The following GADL1 variants were observed in gnomAD, a reference collection of about 807,000 sequenced individuals.
GADL1 encodes the protein acidic amino acid decarboxylase GADL1.
Under a neutral mutation model 69.5 loss-of-function variants are expected in GADL1, and 71 were observed. The ratio of observed to expected loss-of-function variants is 1.02; its 90% CI spans 0.84 to 1.25. The LOEUF is 1.25. GADL1 is among the 50% of genes most tolerant of loss of function. GADL1 has a pLI of 0.00. For synonymous variants in GADL1, 254 were observed against 214.4 expected, an observed-to-expected ratio of 1.18 and a Z score of -1.62; for missense variants, 737 against 631.8, an observed-to-expected ratio of 1.17 and a Z score of -1.79.
intron 9 of GADL1, among the ~76,000 whole-genome samples, chr3:30,836,293 G>C (rs1328116803): frequency 6.6e-6 from 1 of 151,610 alleles, no homozygotes; most frequent in Non-Finnish European, 1.5e-5. Flanking sequence ...CTAGTGAACT[G>C]GATTTAAGTT....
chr3:30,804,324 AG>A (rs1381126666), intron 11 of GADL1, among the ~76,000 whole-genome samples: 1 of 104,388 alleles, frequency 9.6e-6, no homozygotes, highest in Non-Finnish European at 1.7e-5. Flanking sequence ...GTGAGCATGG[AG>A]AGGAGGCTCT....
intron 12 of GADL1, among the ~76,000 whole-genome samples, chr3:30,791,116 C>G (rs1179134477): frequency 6.6e-6 from 1 of 151,866 alleles, no homozygotes; most frequent in Non-Finnish European, 1.5e-5. Context: ...TTTTCCATTC[C>G]CTTTTTATAT....
At chr3:30,770,441 G>A (rs544647804) in intron 14 of GADL1, among the ~76,000 whole-genome samples, 7 of 152,300 alleles carry the variant, frequency 4.6e-5, no homozygotes, top group Admixed American at 1.3e-4. Context: ...GTGGCACTCC[G>A]TACAGAGAAT....
Position 30,839,124 on chromosome 3 carries a change from G to A in GADL1, c.787-11C>T, listed in dbSNP as rs751886715. Reference sequence around the variant, plus strand: ...AAACGGTGCTGCCCCCTGTAAGAAGGATCCACACACACAAAATTATCACTG... The same window carrying A: ...AAACGGTGCTGCCCCCTGTAAGAAGAATCCACACACACAAAATTATCACTG... On this transcript the variant is annotated splice_polypyrimidine_tract_variant and intron_variant, in intron 8 of 14. Coordinates refer to ENST00000282538, the MANE Select transcript of GADL1 (RefSeq NM_207359.3). 1 of 1,480,598 alleles carries A rather than the reference G, an allele frequency of 6.8e-7. No individual in the cohort carries two copies. The highest frequency in any genetic ancestry group is 9.1e-7 in the Non-Finnish European group (1 of 1,103,044). 91.7% of individuals were successfully genotyped at this position (1,480,598 alleles called of 1,614,324 possible). A position where few individuals can be genotyped will look rare whatever the true frequency, so the allele number is the denominator to read the frequency against.
chr3:30,861,604 C>CA lies in GADL1; in HGVS notation c.198dup (p.Val67CysfsTer3). ...GTTTTAATTTTTACCTTCTCATTGACATCTGTAGCTTTCAAAACCACCTCT... is the reference window on the plus strand; with the variant it reads ...GTTTTAATTTTTACCTTCTCATTGACAATCTGTAGCTTTCAAAACCACCTCT... On this transcript the variant is annotated frameshift_variant, in exon 2 of 15. Transcript: ENST00000282538. LOFTEE classifies it high-confidence loss of function. The CA allele has an allele frequency of 6.5e-7, 1 of 1,546,958 alleles. No homozygotes were observed.
chr3:30,867,267 G>T (rs563880512), intron 1 of GADL1, among the ~76,000 whole-genome samples: 1 of 151,774 alleles, frequency 6.6e-6, no homozygotes, highest in South Asian at 2.1e-4. Flanking sequence ...TATGCAGTGG[G>T]TATGGAAATG....
intron 1 of GADL1, among the ~76,000 whole-genome samples, chr3:30,891,118 C>T (rs1458415774): frequency 6.6e-6 from 1 of 151,964 alleles, no homozygotes; most frequent in Non-Finnish European, 1.5e-5. Flanking sequence ...AGGGTACTGC[C>T]TTATAAAATG....
chr3:30,726,321 G>T lies in GADL1; in HGVS notation c.*1921C>A, dbSNP rs2125466043. The T allele has an allele frequency of 6.6e-6, 1 of 152,036 alleles. No homozygotes were observed. The highest frequency in any genetic ancestry group is 2.1e-4 in the South Asian group (1 of 4,822). 9.4% of individuals were successfully genotyped at this position (152,036 alleles called of 1,614,324 possible). The stretch of plus-strand genomic sequence containing the variant: ...GTCCAGTTCACTTCTAAAATGTATT[G>T]GTACAATCCAGTAAAGAGGAGATGA... On this transcript the variant is annotated 3_prime_UTR_variant, in exon 15 of 15. Transcript: ENST00000282538.
At chr3:30,868,617 C>G (rs962421333) in intron 1 of GADL1, among the ~76,000 whole-genome samples, 1 of 151,812 alleles carries the variant, frequency 6.6e-6, no homozygotes, top group African/African-American at 2.4e-5. Context: ...GTGCCAGGGA[C>G]AGTGTAAAGA....
chr3:30,866,830 G>A (rs933301823), intron 1 of GADL1, among the ~76,000 whole-genome samples: 2 of 152,028 alleles, frequency 1.3e-5, no homozygotes, highest in African/African-American at 4.8e-5. Flanking sequence ...ACAGAAAAAA[G>A]CCATGTCTCA....
intron 11 of GADL1, among the ~76,000 whole-genome samples, chr3:30,832,121 A>C (rs1196119967): frequency 6.6e-6 from 1 of 151,954 alleles, no homozygotes; most frequent in Non-Finnish European, 1.5e-5. Flanking sequence ...GAAAACTGCC[A>C]ACACAAAACT....
intron 11 of GADL1, among the ~76,000 whole-genome samples, chr3:30,816,265 T>C (rs1697468075): frequency 6.6e-6 from 1 of 152,094 alleles, no homozygotes; most frequent in Non-Finnish European, 1.5e-5. Flanking sequence ...GGCTTGAGCC[T>C]CAACTGTTTC....
intron 1 of GADL1, among the ~76,000 whole-genome samples, chr3:30,862,948 A>G (rs1385864991): frequency 1.3e-5 from 2 of 151,698 alleles, no homozygotes; most frequent in Non-Finnish European, 2.9e-5. Flanking sequence ...TGTAAATGTA[A>G]CCTATTTTAC....
chr3:30,894,578 C>A lies in GADL1; in HGVS notation c.37G>T (p.Gly13Ter), dbSNP rs567212234. The A allele has an allele frequency of 7.0e-5, 108 of 1,549,844 alleles. No individual in the cohort carries two copies. The South Asian group carries it at 1.2e-3, about 17-fold the overall frequency. Residue 13 changes from glycine (G) to a stop codon, truncating the protein, a stop_gained and splice_region_variant, in exon 1 of 15, where the codon GGA becomes TGA. Transcript: ENST00000282538. LOFTEE classifies it high-confidence loss of function. ...AACCGCAGCCGCGCTGAGTCGTTAC[C>A]GTCCACAGGACACTGGCGGTCCGAG... ...SDSDRQCPVDGDIDQQEMIPS... is the reference protein window; with the variant it reads ...SDSDRQCPVD
At chr3:30,889,084 T>TATAAAAAAAAAA (rs1698748582) in intron 1 of GADL1, among the ~76,000 whole-genome samples, 2 of 32,920 alleles carry the variant, frequency 6.1e-5, no homozygotes, top group Non-Finnish European at 1.3e-4. Context: ...CGGTAATCTA[T>TATAAAAAAAAAA]AAAAAAAAAA....
chr3:30,732,418 T>G (rs763109936), intron 14 of GADL1, among the ~76,000 whole-genome samples: 9 of 152,168 alleles, frequency 5.9e-5, no homozygotes, highest in Admixed American at 1.3e-4. Flanking sequence ...GATTCTGACA[T>G]TTCTATTTGG....
intron 8 of GADL1, among the ~76,000 whole-genome samples, chr3:30,839,659 C>A (rs1697935481): frequency 6.6e-6 from 1 of 152,062 alleles, no homozygotes; most frequent in South Asian, 2.1e-4. Flanking sequence ...GGAGATAAGG[C>A]AACCTCACTG....
intron 11 of GADL1, among the ~76,000 whole-genome samples, chr3:30,815,376 T>G (rs1388276524): frequency 6.6e-6 from 1 of 152,188 alleles, no homozygotes; most frequent in African/African-American, 2.4e-5. Context: ...TACGATTCTC[T>G]GGCACAATTC....
chr3:30,876,581 C>T (rs1038399610), intron 1 of GADL1, among the ~76,000 whole-genome samples: 19 of 151,896 alleles, frequency 1.3e-4, no homozygotes, highest in Middle Eastern at 3.2e-3. Context: ...ATAACAGAAA[C>T]GGAGTAGAGT....
Sources: gnomAD v4.1 joint callset for allele counts (sites outside exome capture counted in the v4.1 genomes callset) on GRCh38, gnomAD v4.1.1 for gene constraint, MANE v1.5 for transcripts, NCBI Gene and HGNC (gene_info 2026-07-23, HGNC 2026-07-21) for gene names.